RUFY2: variants seen among roughly 807,000 people sequenced by gnomAD.
RUFY2 encodes the protein RUN and FYVE domain-containing protein 2.
In RUFY2, 49 loss-of-function variants were observed where a neutral mutation model predicts 94.4. The ratio of observed to expected loss-of-function variants is 0.52; its 90% confidence interval spans 0.41 to 0.66. The LOEUF is 0.66. Ranked by LOEUF, RUFY2 falls within the 30% of genes least tolerant of loss-of-function variation. RUFY2 has a pLI of 0.00. For synonymous variants in RUFY2, 255 were observed against 235.7 expected (o/e 1.08, Z -0.75); for missense variants, 541 against 692.8 (o/e 0.78, Z 2.46).
intron 16 of RUFY2, among the ~76,000 whole-genome samples, chr10:68,353,255 C>T (rs1317759579): frequency 4.0e-5 from 6 of 149,810 alleles, no homozygotes; most frequent in East Asian, 2.0e-4. Flanking sequence ...CTCTTGAAGC[C>T]GGGAGGCGGA....
intron 4 of RUFY2, 64 bp from the exon 5 acceptor site, chr10:68,394,515 A>C (rs1410318313): frequency 8.5e-7 from 1 of 1,179,346 alleles, no homozygotes; most frequent in East Asian, 2.5e-5. Flanking sequence ...AAAATTTAAA[A>C]TCACCATTAT....
At chr10:68,402,516 T>C (rs2050926550) in intron 2 of RUFY2, among the ~76,000 whole-genome samples, 1 of 152,096 alleles carries the variant, frequency 6.6e-6, no homozygotes, top group Non-Finnish European at 1.5e-5. Context: ...AGCCTATAAC[T>C]GCTAGGACAT....
chr10:68,364,804 C>T (rs2047689840), intron 13 of RUFY2, among the ~76,000 whole-genome samples: 2 of 151,674 alleles, frequency 1.3e-5, no homozygotes, highest in African/African-American at 4.8e-5. Context: ...CTGGGCTCCT[C>T]CCACCTCAGC....
At chr10:68,353,972 CAA>C (rs1475622006) in intron 16 of RUFY2, among the ~76,000 whole-genome samples, 1 of 151,936 alleles carries the variant, frequency 6.6e-6, no homozygotes, top group African/African-American at 2.4e-5. Flanking sequence ...ACTGCTGAAT[CAA>C]GAGCAAATAG....
At chr10:68,365,710 T>C (rs1017786673) in intron 13 of RUFY2, among the ~76,000 whole-genome samples, 1 of 152,246 alleles carries the variant, frequency 6.6e-6, no homozygotes, top group East Asian at 1.9e-4. Flanking sequence ...AACATAATTA[T>C]GCAGTAGAAA....
intron 13 of RUFY2, among the ~76,000 whole-genome samples, chr10:68,366,758 AT>A (rs1469240179): frequency 6.5e-5 from 9 of 139,048 alleles, no homozygotes; most frequent in East Asian, 6.1e-4. Flanking sequence ...ATATATATAT[AT>A]AATATTAAAT....
chr10:68,406,999 G>A (rs567236141), intron 1 of RUFY2, 187 bp downstream of exon 1: 20 of 1,504,044 alleles, frequency 1.3e-5, no homozygotes, highest in Middle Eastern at 1.8e-4. Context: ...AACAAGGGAG[G>A]GGGCGCGTTG....
At chr10:68,393,558 T>A (rs1447039828) in intron 6 of RUFY2, among the ~76,000 whole-genome samples, 1 of 151,998 alleles carries the variant, frequency 6.6e-6, no homozygotes, top group African/African-American at 2.4e-5. Context: ...TGAAACCCTG[T>A]CTCTACTAAA....
intron 13 of RUFY2, among the ~76,000 whole-genome samples, chr10:68,365,591 A>G (rs1589829621): frequency 6.6e-6 from 1 of 152,096 alleles, no homozygotes; most frequent in East Asian, 1.9e-4. Flanking sequence ...GAATTAGCTT[A>G]CTCGTTTTTA....
At chr10:68,378,042 T>C (rs1372965839) in intron 12 of RUFY2, 1 of 985,166 alleles carries the variant, frequency 1.0e-6, no homozygotes, top group African/African-American at 1.7e-5. Context: ...GAAGTCAGAG[T>C]GAGGTAGGCC....
At chr10:68,382,168 C>T (rs1260589150) in intron 10 of RUFY2, among the ~76,000 whole-genome samples, 1 of 151,584 alleles carries the variant, frequency 6.6e-6, no homozygotes, top group Admixed American at 6.6e-5. Flanking sequence ...CCTGCCTCAG[C>T]CTCCCGAGTA....
In RUFY2 at chr10:68,403,649, T is replaced by C. The variant is rs542170491; in HGVS notation, c.178+1022A>G. On this transcript the variant is annotated intron_variant, in intron 2 of 17. Transcript: ENST00000602465. ...TATCTTTCGCTAGTATTTATACATT[T>C]TAAGAAATTGCTTTAAGTCTCTAAA... is the stretch of plus-strand genomic sequence containing the variant. 4.6e-5 allele frequency among the ~76,000 whole-genome samples: 7 copies of C among 152,330 alleles called. No individual in the cohort carries two copies. In the East Asian group the frequency reaches 1.3e-3, roughly 29 times the overall value.
chr10:68,405,497 G>T, intron 1 of RUFY2: 1 of 961,500 alleles, frequency 1.0e-6, no homozygotes, highest in Non-Finnish European at 1.2e-6. Context: ...GATAAATTTG[G>T]GGTGAGAGAC....
At chr10:68,391,901 G>C (rs913518192) in intron 7 of RUFY2, among the ~76,000 whole-genome samples, 2 of 151,418 alleles carry the variant, frequency 1.3e-5, no homozygotes, top group Non-Finnish European at 2.9e-5. Context: ...GGCAGGCAGA[G>C]GTTGCAGTGA....
intron 12 of RUFY2, chr10:68,378,240 GGTTAA>G: frequency 9.7e-7 from 1 of 1,031,730 alleles, no homozygotes; most frequent in Non-Finnish European, 1.2e-6. Context: ...TAAAACTGAA[GGTTAA>G]GTTATTTTTA....
intron 3 of RUFY2, among the ~76,000 whole-genome samples, chr10:68,400,317 C>CAAAAT (rs1301802354): frequency 6.6e-6 from 1 of 150,942 alleles, no homozygotes; most frequent in Non-Finnish European, 1.5e-5. Context: ...CTGTCCGTCT[C>CAAAAT]AAAATAAAAT....
chr10:68,377,530 GCAC>G, intron 12 of RUFY2: 1 of 985,828 alleles, frequency 1.0e-6, no homozygotes, highest in Non-Finnish European at 1.2e-6. Flanking sequence ...GTGTGTGTGT[GCAC>G]GTGTGCATAT....
chr10:68,404,971 G>T, intron 1 of RUFY2, 127 bp from the exon 2 acceptor site: 1 of 716,580 alleles, frequency 1.4e-6, no homozygotes, highest in Non-Finnish European at 2.2e-6. Flanking sequence ...ATTCTCCCCA[G>T]CTAAACCACA....
intron 13 of RUFY2, among the ~76,000 whole-genome samples, chr10:68,364,390 G>C (rs1249986548): frequency 6.6e-6 from 1 of 152,072 alleles, no homozygotes; most frequent in Non-Finnish European, 1.5e-5. Context: ...CATAAGCATA[G>C]AAAATGCCTT....
Sources: gnomAD v4.1 joint callset for allele counts (sites outside exome capture counted in the v4.1 genomes callset) on GRCh38, gnomAD v4.1.1 for gene constraint, MANE v1.5 for transcripts, NCBI Gene and HGNC (gene_info 2026-07-23, HGNC 2026-07-21) for gene names.